Variants in MARCHF3 observed in about 807,000 individuals in gnomAD.
MARCHF3 encodes E3 ubiquitin-protein ligase MARCHF3.
Under a neutral mutation model 24.2 loss-of-function variants are expected in MARCHF3, and 13 were observed. The observed-to-expected ratio is 0.54, with a 90% confidence interval of 0.35 to 0.85. The LOEUF (loss-of-function observed/expected upper bound fraction) is 0.85. Among genes scored for constraint, MARCHF3 ranks in the 40% least tolerant of loss-of-function variants. The probability of loss-of-function intolerance (pLI) is 0.01; values close to 1 mark genes in which losing one functional copy is unlikely to be tolerated. For synonymous variants in MARCHF3, 144 were observed against 137.3 expected (o/e 1.05, Z -0.34); for missense variants, 276 against 325.0 (o/e 0.85, Z 1.16).
At chr5:126,917,360 G>C (rs1030773425) in intron 2 of MARCHF3, among the ~76,000 whole-genome samples, 3 of 152,132 alleles carry the variant, frequency 2.0e-5, no homozygotes, top group Non-Finnish European at 2.9e-5. Flanking sequence ...GCCTGCACTC[G>C]GGCTTTAGTT....
intron 1 of MARCHF3, among the ~76,000 whole-genome samples, chr5:126,933,006 C>T (rs1269636427): frequency 6.6e-6 from 1 of 152,170 alleles, no homozygotes; most frequent in Non-Finnish European, 1.5e-5. Flanking sequence ...AAACCAGGGA[C>T]TCTCTTCATC....
At chr5:127,014,948 T>C (rs1752588494) in intron 1 of MARCHF3, among the ~76,000 whole-genome samples, 2 of 152,168 alleles carry the variant, frequency 1.3e-5, no homozygotes, top group South Asian at 4.1e-4. Flanking sequence ...ATATATTATA[T>C]AGTTTCAGAT....
intron 1 of MARCHF3, among the ~76,000 whole-genome samples, chr5:127,001,655 A>C (rs1416907568): frequency 6.6e-6 from 1 of 151,920 alleles, no homozygotes; most frequent in East Asian, 1.9e-4. Flanking sequence ...CTCCACTGTC[A>C]CCCTACCCAA....
rs767292000 is a variant in MARCHF3 at position 126,914,984 on chromosome 5, A to G, written c.339T>C (p.Cys113=). 4 of 1,614,182 alleles carry G rather than the reference A, an allele frequency of 2.5e-6. No homozygotes were observed. The Admixed American group carries it at 5.0e-5, about 20-fold the overall frequency. Residue 113 remains cysteine (C), a synonymous_variant, in exon 3 of 5, where the codon TGT becomes TGC. Transcript: ENST00000308660. ...CTGCAAACCTGAAGTGGCAGAGTTCACAGTAGCTGGTGTTTGAGGATGACA... is the reference window on the plus strand; with the variant it reads ...CTGCAAACCTGAAGTGGCAGAGTTCGCAGTAGCTGGTGTTTGAGGATGACA... The part of the protein sequence containing the change: ...HWLSSSNTSY[C]ELCHFRFAVE...
intron 3 of MARCHF3, among the ~76,000 whole-genome samples, chr5:126,883,404 T>A (rs956677794): frequency 1.3e-5 from 2 of 152,214 alleles, no homozygotes; most frequent in African/African-American, 4.8e-5. Context: ...GTGAGCTGCC[T>A]ATTTTTCTGT....
At chr5:126,939,783 C>T (rs527971938) in intron 1 of MARCHF3, among the ~76,000 whole-genome samples, 5 of 152,174 alleles carry the variant, frequency 3.3e-5, no homozygotes, top group Non-Finnish European at 5.9e-5. Context: ...CCACTGGCCA[C>T]ATTTTCATCT....
chr5:126,953,219 T>G (rs1043276271), intron 1 of MARCHF3, among the ~76,000 whole-genome samples: 4 of 152,226 alleles, frequency 2.6e-5, no homozygotes, highest in African/African-American at 9.6e-5. Flanking sequence ...CACTTTAATT[T>G]CATTGAACTG....
intron 1 of MARCHF3, among the ~76,000 whole-genome samples, chr5:127,014,125 T>C (rs1201255996): frequency 6.6e-6 from 1 of 152,106 alleles, no homozygotes; most frequent in Non-Finnish European, 1.5e-5. Context: ...ACCTGAAGAA[T>C]AGAATATTTG....
At chr5:126,972,505 T>C (rs1285086747) in intron 1 of MARCHF3, among the ~76,000 whole-genome samples, 4 of 152,200 alleles carry the variant, frequency 2.6e-5, no homozygotes, top group Non-Finnish European at 4.4e-5. Flanking sequence ...TAACAAGATA[T>C]GATCTTTCTC....
rs199567453 is a variant in MARCHF3, at chr5:126,954,678, C to CT, written c.-56-36452dup. Reference sequence around the variant, plus strand: ...GACCCACCATGCCTGGCCCCAGTTTCTTTTTTTTTTTTTTTTTAAGTTTAA... The same window carrying CT: ...GACCCACCATGCCTGGCCCCAGTTTCTTTTTTTTTTTTTTTTTTAAGTTTAA... On this transcript the variant is annotated intron_variant, in intron 1 of 4. Transcript: ENST00000308660. Among the ~76,000 whole-genome samples, 590 of 130,098 alleles carry CT rather than the reference C, an allele frequency of 4.5e-3. 4 individuals are homozygous for CT. Among genetic ancestry groups the CT allele is most frequent in the East Asian group, 0.011 (51 of 4,486 alleles). 85.3% of individuals were successfully genotyped at this position (130,098 alleles called of 152,430 possible). A position where few individuals can be genotyped will look rare whatever the true frequency, so the allele number is the denominator to read the frequency against.
intron 1 of MARCHF3, among the ~76,000 whole-genome samples, chr5:126,947,116 G>C (rs1264542719): frequency 6.6e-6 from 1 of 152,116 alleles, no homozygotes; most frequent in Non-Finnish European, 1.5e-5. Context: ...CCTGGTCAGT[G>C]TTTGGCAGAA....
intron 1 of MARCHF3, among the ~76,000 whole-genome samples, chr5:126,953,630 C>T (rs1374305372): frequency 6.6e-6 from 1 of 152,186 alleles, no homozygotes; most frequent in East Asian, 1.9e-4. Context: ...CACTCTGATT[C>T]TTACTTCTTT....
At chr5:126,950,382 A>C (rs987051799) in intron 1 of MARCHF3, among the ~76,000 whole-genome samples, 2 of 152,164 alleles carry the variant, frequency 1.3e-5, no homozygotes. Context: ...TTTCATGTTG[A>C]CATTTCTCCC....
chr5:127,028,218 G>A (rs1037257782), intron 1 of MARCHF3, among the ~76,000 whole-genome samples: 2 of 152,084 alleles, frequency 1.3e-5, no homozygotes, highest in African/African-American at 4.8e-5. Context: ...AAATTATTGG[G>A]AAAAATATGA....
At chr5:126,980,464 G>A (rs935492520) in intron 1 of MARCHF3, among the ~76,000 whole-genome samples, 4 of 151,366 alleles carry the variant, frequency 2.6e-5, no homozygotes, top group Admixed American at 6.6e-5. Context: ...TCTGCCTCCC[G>A]GGTTCAAGTG....
rs991985164 is a variant in MARCHF3 at position 126,981,705 on chromosome 5, T to C, written c.-57+48645A>G. Among the ~76,000 whole-genome samples the C allele has an allele frequency of 4.2e-4, 64 of 152,214 alleles. 1 individual carries two copies. Among genetic ancestry groups the C allele is most frequent in the Non-Finnish European group, 1.8e-4 (12 of 68,036 alleles). ...ATTTCCCTCTCACTATACCAGCAAA[T>C]TGAGAATTGTCCAACCTTTTTTCTT... On this transcript the variant is annotated intron_variant, in intron 1 of 4. Coordinates refer to ENST00000308660, the MANE Select transcript of MARCHF3 (RefSeq NM_178450.5).
intron 1 of MARCHF3, among the ~76,000 whole-genome samples, chr5:126,941,419 G>T (rs1749825159): frequency 6.6e-6 from 1 of 150,708 alleles, no homozygotes; most frequent in Admixed American, 6.6e-5. Context: ...GGAAAATCTT[G>T]ACACCATCCA....
chr5:126,950,745 AG>A (rs1239164055), intron 1 of MARCHF3, among the ~76,000 whole-genome samples: 1 of 152,170 alleles, frequency 6.6e-6, no homozygotes, highest in African/African-American at 2.4e-5. Flanking sequence ...ACCTCAAAAA[AG>A]CCCCTCTTTT....
At chr5:126,980,761 T>A (rs1413340771) in intron 1 of MARCHF3, among the ~76,000 whole-genome samples, 3 of 152,340 alleles carry the variant, frequency 2.0e-5, no homozygotes, top group East Asian at 3.9e-4. Context: ...CTTAGTTTCA[T>A]CTGGGGAACA....
Sources: gnomAD v4.1 joint callset for allele counts (sites outside exome capture counted in the v4.1 genomes callset) on GRCh38, gnomAD v4.1.1 for gene constraint, MANE v1.5 for transcripts, NCBI Gene and HGNC (gene_info 2026-07-23, HGNC 2026-07-21) for gene names.